Variants in LIN54 observed in about 807,000 individuals in gnomAD.
The protein encoded by LIN54 is protein lin-54 homolog.
Under a neutral mutation model 78.7 loss-of-function variants are expected in LIN54, and 9 were observed. The ratio of observed to expected loss-of-function variants is 0.11; its 90% CI spans 0.07 to 0.20. LIN54 has a LOEUF of 0.20. LIN54 is among the 10% of genes least tolerant of loss of function. The pLI is 1.00. For missense variants in LIN54, 573 were observed against 889.9 expected, an observed-to-expected ratio of 0.64 and a Z score of 4.53; for synonymous variants, 269 against 318.4, an observed-to-expected ratio of 0.84 and a Z score of 1.65.
At chr4:82,947,235 A>ATATATATATATATTTTTTTTTTT in intron 4 of LIN54, among the ~76,000 whole-genome samples, 1 of 44,292 alleles carries the variant, frequency 2.3e-5, no homozygotes. Flanking sequence ...ATATATATAT[A>ATATATATATATATTTTTTTTTTT]TTTTTTTTTT....
chr4:82,970,231 G>A lies in LIN54; in HGVS notation c.951+96C>T, dbSNP rs926448009. 3 of 1,107,472 alleles carry A rather than the reference G, an allele frequency of 2.7e-6. No individual in the cohort carries two copies. In the African/African-American group the frequency reaches 4.7e-5, roughly 17 times the overall value. The allele number at this position is 1,107,472 out of a possible 1,614,324, so 68.6% of individuals were successfully genotyped here. ...TTCATTGAATGTCTATTACTTGCTT[G>A]GGAATGTACTAAAATTGAAGTATCT... On this transcript the variant is annotated intron_variant, in intron 4 of 12. Transcript: ENST00000340417.
intron 3 of LIN54, among the ~76,000 whole-genome samples, chr4:82,970,917 G>A (rs141501778): frequency 9.5e-4 from 144 of 151,216 alleles, no homozygotes; most frequent in African/African-American, 3.3e-3. Context: ...ATAGTTATTG[G>A]ACTAACTTAA....
At chr4:82,979,300 AAAAAT>A (rs1206813550) in intron 2 of LIN54, among the ~76,000 whole-genome samples, 5 of 152,194 alleles carry the variant, frequency 3.3e-5, no homozygotes, top group African/African-American at 9.7e-5. Context: ...TGCTTAATGA[AAAAAT>A]AAAACTGTGG....
chr4:82,925,878 C>T lies in LIN54; in HGVS notation c.*2224G>A, dbSNP rs1038491437. ...GCTAAAAAATTATATACCCAACCCT[C>T]CCCAAATAGTCTTTTAAAATCATTG... is the stretch of plus-strand genomic sequence containing the variant. On this transcript the variant is annotated 3_prime_UTR_variant, in exon 13 of 13. Coordinates refer to ENST00000340417, the MANE Select transcript of LIN54 (RefSeq NM_194282.4). 5.9e-5 allele frequency: 9 copies of T among 152,570 alleles called. No homozygotes were observed. The highest frequency in any genetic ancestry group is 1.3e-4 in the Non-Finnish European group (9 of 68,006). The allele number at this position is 152,570 out of a possible 1,614,324, so 9.5% of individuals were successfully genotyped here.
upstream of LIN54, among the ~76,000 whole-genome samples, chr4:83,011,162 A>G (rs777568043): frequency 6.6e-6 from 1 of 152,230 alleles, no homozygotes; most frequent in Non-Finnish European, 1.5e-5. Flanking sequence ...CGTTTCATTC[A>G]CTGTGGCTAT....
At chr4:82,988,258 ATAT>A (rs1727342510) in intron 1 of LIN54, among the ~76,000 whole-genome samples, 2 of 152,308 alleles carry the variant, frequency 1.3e-5, no homozygotes, top group African/African-American at 4.8e-5. Flanking sequence ...ATTGAATAAT[ATAT>A]TATGTACTTA....
intron 4 of LIN54, among the ~76,000 whole-genome samples, chr4:82,955,554 C>G (rs146015493): frequency 7.3e-4 from 111 of 151,942 alleles, no homozygotes; most frequent in African/African-American, 2.5e-3. Context: ...ACATATAGAA[C>G]TGGATCTCAA....
At chr4:82,942,440 G>A (rs1191212764) in intron 5 of LIN54, among the ~76,000 whole-genome samples, 4 of 152,204 alleles carry the variant, frequency 2.6e-5, no homozygotes, top group Admixed American at 1.3e-4. Context: ...CAAAAAGAGT[G>A]TAAGACTCTT....
intron 11 of LIN54, among the ~76,000 whole-genome samples, chr4:82,932,794 C>T (rs1028496548): frequency 7.9e-5 from 12 of 152,060 alleles, no homozygotes; most frequent in African/African-American, 2.9e-4. Context: ...GATTGCACTC[C>T]AGCCTAGGCA....
intron 3 of LIN54, among the ~76,000 whole-genome samples, chr4:82,978,153 G>A (rs1320517757): frequency 1.3e-5 from 2 of 152,160 alleles, no homozygotes; most frequent in Non-Finnish European, 2.9e-5. Flanking sequence ...AAAGAATAAA[G>A]AGAACGAACA....
At chr4:82,994,548 G>A (rs1344096570) in intron 1 of LIN54, among the ~76,000 whole-genome samples, 1 of 151,852 alleles carries the variant, frequency 6.6e-6, no homozygotes, top group Non-Finnish European at 1.5e-5. Flanking sequence ...CAGGTGCATG[G>A]CACCACGCCC....
At chr4:82,947,236 T>TA (rs1553949048) in intron 4 of LIN54, among the ~76,000 whole-genome samples, 54 of 4,438 alleles carry the variant, frequency 0.012, no homozygotes, top group Admixed American at 0.061. Flanking sequence ...TATATATATA[T>TA]TTTTTTTTTT....
intron 11 of LIN54, among the ~76,000 whole-genome samples, chr4:82,935,088 T>A (rs1054774209): frequency 1.3e-5 from 2 of 151,980 alleles, no homozygotes; most frequent in South Asian, 4.1e-4. Context: ...AGTAACCTCA[T>A]CCAGCAGAAT....
intron 4 of LIN54, among the ~76,000 whole-genome samples, chr4:82,947,432 GTGTGTGTT>G (rs1368783403): frequency 2.2e-5 from 3 of 134,320 alleles, no homozygotes; most frequent in East Asian, 2.4e-4. Context: ...GTGTGTGTGT[GTGTGTGTT>G]AGACACAGGG....
chr4:82,962,335 C>A (rs1274240022), intron 4 of LIN54, among the ~76,000 whole-genome samples: 1 of 152,218 alleles, frequency 6.6e-6, no homozygotes, highest in East Asian at 1.9e-4. Context: ...GTATGAATCA[C>A]TGACCTGGAT....
At chr4:82,982,144 A>T (rs1270181655) in intron 2 of LIN54, among the ~76,000 whole-genome samples, 1 of 152,190 alleles carries the variant, frequency 6.6e-6, no homozygotes, top group Non-Finnish European at 1.5e-5. Context: ...AGATACAAGC[A>T]ACACTGGTCA....
intron 1 of LIN54, among the ~76,000 whole-genome samples, chr4:83,002,008 A>T (rs1728885418): frequency 6.8e-6 from 1 of 146,998 alleles, no homozygotes; most frequent in African/African-American, 2.6e-5. Flanking sequence ...TCAAGAGCTA[A>T]CAGATACCAT....
rs1721636628 is a variant in LIN54, at chr4:82,928,140, C to T, written c.2212G>A (p.Gly738Arg). ...GCACAAGGGTCACTTTTTGCCTTTC[C>T]TGCAGAGTTGATGACACTCATCAAA... Reference protein sequence around the residue: ...RCLMSVINSAGKAKSDPCAMN... With the variant: ...RCLMSVINSARKAKSDPCAMN... Residue 738 changes from glycine (G) to arginine (R), a missense_variant, in exon 13 of 13, where the codon GGA (glycine) becomes AGA (arginine). Transcript: ENST00000340417. 2.5e-6 allele frequency: 4 copies of T among 1,614,048 alleles called. No homozygotes were observed. The Admixed American group carries it at 5.0e-5, about 20-fold the overall frequency.
intron 1 of LIN54, among the ~76,000 whole-genome samples, chr4:82,999,989 C>T (rs754832296): frequency 6.6e-6 from 1 of 152,036 alleles, no homozygotes; most frequent in South Asian, 2.1e-4. Flanking sequence ...ACCTCCTGGG[C>T]TCAAGTGATC....
Sources: allele counts gnomAD v4.1 joint callset (sites outside exome capture counted in the v4.1 genomes callset), GRCh38; gene constraint gnomAD v4.1.1; transcripts MANE v1.5; gene names NCBI Gene and HGNC (gene_info 2026-07-23, HGNC 2026-07-21).